Variants in SLC10A7 observed in about 807,000 individuals in gnomAD.
The protein encoded by SLC10A7 is solute carrier family 10 member 7.
Under a neutral mutation model 43.2 loss-of-function variants are expected in SLC10A7, and 29 were observed. The observed-to-expected ratio is 0.67, with a 90% CI of 0.50 to 0.92. The LOEUF (loss-of-function observed/expected upper bound fraction) is 0.92, where lower values mean the gene tolerates loss of function less well. Ranked by LOEUF, SLC10A7 falls within the 40% of genes least tolerant of loss-of-function variation. The pLI is 0.00. For missense variants in SLC10A7, 295 were observed against 403.2 expected (o/e 0.73, Z 2.30); for synonymous variants, 152 against 144.8 (o/e 1.05, Z -0.35).
intron 4 of SLC10A7, among the ~76,000 whole-genome samples, chr4:146,443,546 A>T (rs2149893568): frequency 6.6e-6 from 1 of 152,394 alleles, no homozygotes; most frequent in South Asian, 2.1e-4. Flanking sequence ...CAAAAAGGAA[A>T]AAACTTGTAT....
intron 5 of SLC10A7, 117 bp from the exon 6 acceptor site, chr4:146,326,113 A>G: frequency 1.3e-6 from 1 of 772,666 alleles, no homozygotes; most frequent in Non-Finnish European, 2.1e-6. Context: ...GTTTAATAAA[A>G]TCTAGGAGAT....
intron 10 of SLC10A7, among the ~76,000 whole-genome samples, chr4:146,269,421 G>A (rs1728763891): frequency 6.6e-6 from 1 of 152,208 alleles, no homozygotes; most frequent in Admixed American, 6.5e-5. Flanking sequence ...CACGTTTATG[G>A]AGACAAGCTT....
At chr4:146,433,788 G>T (rs567963754) in intron 5 of SLC10A7, among the ~76,000 whole-genome samples, 18 of 152,238 alleles carry the variant, frequency 1.2e-4, no homozygotes, top group Non-Finnish European at 2.2e-4. Flanking sequence ...AGGAGTTCAG[G>T]CTGCAGTGAG....
chr4:146,353,897 A>T (rs994895815), intron 5 of SLC10A7, among the ~76,000 whole-genome samples: 5 of 135,260 alleles, frequency 3.7e-5, no homozygotes, highest in African/African-American at 1.4e-4. Context: ...TCAAAAAAAT[A>T]AGAGCTATCT....
intron 2 of SLC10A7, among the ~76,000 whole-genome samples, chr4:146,510,931 C>A (rs924969890): frequency 6.6e-5 from 10 of 152,152 alleles, no homozygotes; most frequent in Admixed American, 2.6e-4. Context: ...TCACTAGATT[C>A]TTTGTTAACA....
chr4:146,364,010 GAAAC>G (rs1736227991), intron 5 of SLC10A7, among the ~76,000 whole-genome samples: 1 of 151,680 alleles, frequency 6.6e-6, no homozygotes, highest in African/African-American at 2.4e-5. Flanking sequence ...GATCAAAGCA[GAAAC>G]AAATAAAATA....
At chr4:146,323,162 AG>A (rs1453649080) in intron 6 of SLC10A7, among the ~76,000 whole-genome samples, 1 of 152,132 alleles carries the variant, frequency 6.6e-6, no homozygotes, top group African/African-American at 2.4e-5. Flanking sequence ...CCCATTCTGT[AG>A]GTTGCCTGTT....
chr4:146,445,210 G>A (rs1730936719), intron 4 of SLC10A7, among the ~76,000 whole-genome samples: 2 of 152,012 alleles, frequency 1.3e-5, no homozygotes, highest in African/African-American at 4.8e-5. Context: ...CTTCTACTTT[G>A]GTAATTCTAT....
chr4:146,486,572 C>T (rs1272268708), intron 4 of SLC10A7, among the ~76,000 whole-genome samples: 2 of 152,150 alleles, frequency 1.3e-5, no homozygotes, highest in African/African-American at 4.8e-5. Flanking sequence ...CTTACAGTTC[C>T]AGATGCCATT....
At chr4:146,520,225 C>T (rs542964841) in intron 1 of SLC10A7, among the ~76,000 whole-genome samples, 1 of 152,152 alleles carries the variant, frequency 6.6e-6, no homozygotes, top group Admixed American at 6.5e-5. Context: ...CATTGCAGAT[C>T]ATGCAAAGGT....
In SLC10A7 at chr4:146,444,735, G is replaced by C. The variant is rs567162489; in HGVS notation, c.397-1914C>G. Among the ~76,000 whole-genome samples the C allele has an allele frequency of 3.1e-3, 469 of 152,274 alleles. 2 individuals are homozygous for C. Among genetic ancestry groups the C allele is most frequent in the African/African-American group, 0.011 (437 of 41,552 alleles). ...TAGTTGTTTGCCAACAGTGGTGATG[G>C]ATTTGAACTCACTCAGTCAGCTATA... On this transcript the variant is annotated intron_variant, in intron 4 of 11. Transcript: ENST00000335472.
intron 5 of SLC10A7, among the ~76,000 whole-genome samples, chr4:146,349,672 T>C (rs568410485): frequency 2.0e-5 from 3 of 152,350 alleles, no homozygotes; most frequent in Admixed American, 2.0e-4. Flanking sequence ...TAGAATACTA[T>C]GCAGCCATAA....
intron 5 of SLC10A7, among the ~76,000 whole-genome samples, chr4:146,390,652 A>T: frequency 6.6e-6 from 1 of 152,166 alleles, no homozygotes; most frequent in East Asian, 1.9e-4. Flanking sequence ...AATGAAATAA[A>T]ATAATAATAA....
chr4:146,476,134 G>A (rs897033586), intron 4 of SLC10A7, among the ~76,000 whole-genome samples: 3 of 152,178 alleles, frequency 2.0e-5, no homozygotes, highest in Non-Finnish European at 4.4e-5. Flanking sequence ...GAAGGTAGAG[G>A]AGGAGGCAAT....
At chr4:146,436,335 C>G (rs1730215004) in intron 5 of SLC10A7, among the ~76,000 whole-genome samples, 1 of 152,054 alleles carries the variant, frequency 6.6e-6, no homozygotes, top group South Asian at 2.1e-4. Context: ...GTTTTAAAAA[C>G]AAACCCACAT....
intron 7 of SLC10A7, among the ~76,000 whole-genome samples, chr4:146,298,373 T>C (rs1288662559): frequency 6.6e-6 from 1 of 152,200 alleles, no homozygotes; most frequent in Non-Finnish European, 1.5e-5. Flanking sequence ...ATATCTAATA[T>C]AATGCTATAA....
intron 4 of SLC10A7, among the ~76,000 whole-genome samples, chr4:146,487,861 A>T (rs976881764): frequency 3.3e-5 from 5 of 151,692 alleles, no homozygotes; most frequent in African/African-American, 1.2e-4. Flanking sequence ...CAGGAGTTGG[A>T]GACCAGCCCT....
chr4:146,455,467 T>C (rs1731963658), intron 4 of SLC10A7, among the ~76,000 whole-genome samples: 1 of 151,906 alleles, frequency 6.6e-6, no homozygotes, highest in East Asian at 1.9e-4. Context: ...CTAATGTTTC[T>C]TACGAATTTT....
chr4:146,353,288 AG>A (rs1357334626), intron 5 of SLC10A7, among the ~76,000 whole-genome samples: 1 of 88,670 alleles, frequency 1.1e-5, no homozygotes, highest in Non-Finnish European at 2.2e-5. Context: ...AAAATCTAGA[AG>A]AAATGGATAC....
Sources: allele counts gnomAD v4.1 joint callset (sites outside exome capture counted in the v4.1 genomes callset), GRCh38; gene constraint gnomAD v4.1.1; transcripts MANE v1.5; gene names NCBI Gene and HGNC (gene_info 2026-07-23, HGNC 2026-07-21).